COL24A1: variants seen among roughly 807,000 people sequenced by gnomAD.
The protein encoded by COL24A1 is collagen alpha-1(XXIV) chain.
Under a neutral mutation model 253.9 loss-of-function variants are expected in COL24A1, and 224 were observed. The ratio of observed to expected loss-of-function variants is 0.88; its 90% CI spans 0.79 to 0.99. The LOEUF is 0.99. Among genes scored for constraint, COL24A1 ranks in the 50% least tolerant of loss-of-function variants. The pLI, the probability that COL24A1 is intolerant of heterozygous loss-of-function variation, is 0.00. For synonymous variants in COL24A1, 685 were observed against 673.7 expected (o/e 1.02, Z -0.26); for missense variants, 2,131 against 2,068.5 (o/e 1.03, Z -0.59).
chr1:86,046,152 A>C (rs1699881786), intron 12 of COL24A1, among the ~76,000 whole-genome samples: 1 of 152,204 alleles, frequency 6.6e-6, no homozygotes, highest in African/African-American at 2.4e-5. Context: ...GCAGTCCTTT[A>C]GTATTATCAT....
At chr1:86,104,701 T>C (rs1365441393) in intron 5 of COL24A1, among the ~76,000 whole-genome samples, 1 of 152,216 alleles carries the variant, frequency 6.6e-6, no homozygotes, top group African/African-American at 2.4e-5. Context: ...GGACTGATAT[T>C]GGGCCTTGAC....
chr1:85,786,567 C>T lies in COL24A1; in HGVS notation c.3952-106G>A. On this transcript the variant is annotated intron_variant, in intron 47 of 59. Transcript: ENST00000370571. ...TTGTGCCCCGAAAGGCGTCTGTTAA[C>T]ATACTGCCCAGGAGTTATCCTGGGC... The T allele has an allele frequency of 4.5e-6, 4 of 882,932 alleles. No homozygotes were observed. In the South Asian group the frequency reaches 5.6e-5, roughly 12 times the overall value. 54.7% of individuals were successfully genotyped at this position (882,932 alleles called of 1,614,324 possible). A position where few individuals can be genotyped will look rare whatever the true frequency, so the allele number is the denominator to read the frequency against.
rs117612339 is a variant in COL24A1 at position 86,122,638 on chromosome 1, A to T, written c.1491+2207T>A. Among the ~76,000 whole-genome samples, 787 of 152,130 alleles carry T rather than the reference A, an allele frequency of 5.2e-3. 13 individuals are homozygous for T. The East Asian group carries it at 0.065, about 13-fold the overall frequency. ...CACCATTCTCTCAATCTGCAGGCTT[A>T]AAATTTGATAGTCATCTTTTATTCT... On this transcript the variant is annotated intron_variant, in intron 3 of 59. Coordinates refer to ENST00000370571, the MANE Select transcript of COL24A1 (RefSeq NM_152890.7).
chr1:85,811,290 A>G (rs1031768511), intron 47 of COL24A1, among the ~76,000 whole-genome samples: 3 of 152,304 alleles, frequency 2.0e-5, no homozygotes, highest in African/African-American at 7.2e-5. Context: ...TTGGTGTAAA[A>G]ATACCTTTAA....
intron 24 of COL24A1, among the ~76,000 whole-genome samples, chr1:85,914,496 T>C (rs942191396): frequency 6.6e-6 from 1 of 151,920 alleles, no homozygotes; most frequent in Non-Finnish European, 1.5e-5. Context: ...CTTCAAGCGA[T>C]TCTCCTGCCT....
At chr1:86,017,679 A>G (rs924904523) in intron 18 of COL24A1, among the ~76,000 whole-genome samples, 3 of 152,212 alleles carry the variant, frequency 2.0e-5, no homozygotes, top group Non-Finnish European at 4.4e-5. Context: ...TCTAAGCCTC[A>G]GTTTTCTCAT....
At chr1:85,830,304 G>T (rs1027426154) in intron 43 of COL24A1, among the ~76,000 whole-genome samples, 1 of 152,096 alleles carries the variant, frequency 6.6e-6, no homozygotes, top group South Asian at 2.1e-4. Context: ...TTGCATGCTG[G>T]GAGAACCACT....
chr1:85,881,262 CAA>C (rs1681805197), intron 32 of COL24A1, among the ~76,000 whole-genome samples: 1 of 151,984 alleles, frequency 6.6e-6, no homozygotes, highest in African/African-American at 2.4e-5. Context: ...CAAATCAAAT[CAA>C]ATCAAATCAA....
At chr1:86,119,468 T>C (rs1296694947) in intron 3 of COL24A1, among the ~76,000 whole-genome samples, 2 of 152,116 alleles carry the variant, frequency 1.3e-5, no homozygotes, top group African/African-American at 2.4e-5. Context: ...ACATACCTTT[T>C]TTATGTTCTA....
At chr1:85,933,829 T>G (rs1231913955) in intron 24 of COL24A1, among the ~76,000 whole-genome samples, 1 of 152,242 alleles carries the variant, frequency 6.6e-6, no homozygotes, top group East Asian at 1.9e-4. Context: ...GGTTTGTTCC[T>G]ATTTATTCTT....
At chr1:86,010,464 T>TTCAGTG (rs1696387358) in intron 19 of COL24A1, among the ~76,000 whole-genome samples, 1 of 152,094 alleles carries the variant, frequency 6.6e-6, no homozygotes, top group Admixed American at 6.6e-5. Context: ...AAAAAAGATG[T>TTCAGTG]TCAGTGTCAC....
chr1:85,963,672 G>A (rs1019640807), intron 23 of COL24A1, among the ~76,000 whole-genome samples: 8 of 152,180 alleles, frequency 5.3e-5, no homozygotes, highest in East Asian at 3.9e-4. Context: ...GTATTGAAAC[G>A]CAAATTTCAG....
chr1:85,732,772 A>G (rs1663632839), intron 59 of COL24A1, among the ~76,000 whole-genome samples: 1 of 152,210 alleles, frequency 6.6e-6, no homozygotes, highest in East Asian at 1.9e-4. Context: ...CCAATAATAT[A>G]TTCTTTACAA....
chr1:86,114,991 T>C (rs1355233897), intron 4 of COL24A1, among the ~76,000 whole-genome samples: 3 of 152,188 alleles, frequency 2.0e-5, no homozygotes, highest in Non-Finnish European at 4.4e-5. Flanking sequence ...CCCACCCCTC[T>C]TCATTTCCCC....
At chr1:86,046,695 C>T in intron 12 of COL24A1, 130 bp downstream of exon 12, 3 of 1,066,058 alleles carry the variant, frequency 2.8e-6, no homozygotes, top group South Asian at 2.8e-5. Flanking sequence ...ATTCAAGAGG[C>T]AAAAATTAAA....
chr1:85,802,294 T>C (rs1671510009), intron 47 of COL24A1, among the ~76,000 whole-genome samples: 1 of 152,184 alleles, frequency 6.6e-6, no homozygotes, highest in Non-Finnish European at 1.5e-5. Flanking sequence ...ATGTGGTCAT[T>C]GTATACCTCA....
rs187962051 is a variant in COL24A1, at chr1:86,031,896, C to T, written c.2031G>A (p.Pro677=). 4.4e-3 allele frequency: 7,004 copies of T among 1,607,812 alleles called. 57 individuals carry two copies. Among genetic ancestry groups the T allele is most frequent in the South Asian group, 0.024 (2,155 of 89,698 alleles). ...SPGLVGGTGP[P]GFPGLRGSVG... is the part of the protein sequence containing the mutation. ...TACTCACTCTAAGCCCAGGAAACCC[C>T]GGAGGACCAGTGCCACCTACAAGTC... Residue 677 remains proline (P), a synonymous_variant, in exon 14 of 60, where the codon CCG becomes CCA. Transcript: ENST00000370571.
At chr1:85,845,345 T>C (rs1310743120) in intron 39 of COL24A1, among the ~76,000 whole-genome samples, 2 of 151,872 alleles carry the variant, frequency 1.3e-5, no homozygotes, top group African/African-American at 4.8e-5. Context: ...AAAAATGTTG[T>C]AAAAGGATTT....
intron 37 of COL24A1, among the ~76,000 whole-genome samples, chr1:85,851,560 C>T (rs775470324): frequency 1.3e-4 from 20 of 152,148 alleles, no homozygotes; most frequent in Non-Finnish European, 2.9e-5. Flanking sequence ...TTTACATCCT[C>T]AATGGCAATG....
Sources: allele counts gnomAD v4.1 joint callset (sites outside exome capture counted in the v4.1 genomes callset), GRCh38; gene constraint gnomAD v4.1.1; transcripts MANE v1.5; gene names NCBI Gene and HGNC (gene_info 2026-07-23, HGNC 2026-07-21).